PLEKHH2: variants seen among roughly 807,000 people sequenced by gnomAD.
PLEKHH2 encodes the protein pleckstrin homology domain-containing family H member 2.
Under a neutral mutation model 187.9 loss-of-function variants are expected in PLEKHH2, and 129 were observed. That is an observed-to-expected ratio of 0.69 (90% CI 0.59 to 0.79). PLEKHH2 has a LOEUF of 0.79. PLEKHH2 is among the 30% of genes least tolerant of loss of function. The pLI is 0.00. For missense variants in PLEKHH2, 2,076 were observed against 1,751.2 expected, an observed-to-expected ratio of 1.19 and a Z score of -3.31; for synonymous variants, 686 against 605.6, an observed-to-expected ratio of 1.13 and a Z score of -1.95.
At position 43,692,530 on chromosome 2, in the gene PLEKHH2, ATAAAT is replaced by A. The variant is rs747531883; in HGVS notation, c.208_212del (p.Leu70SerfsTer3). On this transcript the variant is annotated frameshift_variant, in exon 4 of 30. Coordinates refer to ENST00000282406, the MANE Select transcript of PLEKHH2 (RefSeq NM_172069.4). LOFTEE classifies it high-confidence loss of function. Reference sequence around the variant, plus strand: ...TGAATTTAGGTACAAGTTATGGAAGATAAATTAAAAGCAGCTAATATTCAAACCAG... The same window carrying A: ...TGAATTTAGGTACAAGTTATGGAAGATAAAAGCAGCTAATATTCAAACCAG... 2 of 1,575,998 alleles carry A rather than the reference ATAAAT, an allele frequency of 1.3e-6. No individual in the cohort carries two copies. The highest frequency in any genetic ancestry group is 1.7e-6 in the Non-Finnish European group (2 of 1,150,278).
At chr2:43,639,887 C>T (rs1039906978) in intron 1 of PLEKHH2, among the ~76,000 whole-genome samples, 2 of 152,076 alleles carry the variant, frequency 1.3e-5, no homozygotes, top group African/African-American at 4.8e-5. Context: ...GAACTCCTGA[C>T]CTCAGATGAT....
intron 2 of PLEKHH2, among the ~76,000 whole-genome samples, chr2:43,678,034 G>T (rs967626451): frequency 6.6e-6 from 1 of 151,040 alleles, no homozygotes; most frequent in Non-Finnish European, 1.5e-5. Flanking sequence ...CTTCTCAGAC[G>T]AGGCGGCCTG....
chr2:43,711,099 G>A, intron 14 of PLEKHH2: 1 of 986,044 alleles, frequency 1.0e-6, no homozygotes, highest in Non-Finnish European at 1.2e-6. Context: ...TCACACATAA[G>A]GCCAGTCTTG....
chr2:43,675,309 A>G, intron 2 of PLEKHH2: 1 of 1,070,046 alleles, frequency 9.3e-7, no homozygotes, highest in Non-Finnish European at 1.3e-6. Context: ...CTTACACTGT[A>G]TCAGAATTTG....
In PLEKHH2 at chr2:43,646,989, C is replaced by T. The variant is rs117654424; in HGVS notation, c.123+2193C>T. Among the ~76,000 whole-genome samples, 1,232 of 152,020 alleles carry T rather than the reference C, an allele frequency of 8.1e-3. 33 individuals are homozygous for T. In the East Asian group the frequency reaches 0.092, roughly 11 times the overall value. On this transcript the variant is annotated intron_variant, in intron 2 of 29. Coordinates refer to ENST00000282406, the MANE Select transcript of PLEKHH2 (RefSeq NM_172069.4). ...ACACAAAAATATGAATAAGGATTTT[C>T]ACAATATTTTCTGTTATATTCCATT...
chr2:43,644,842 G>A lies in PLEKHH2; in HGVS notation c.123+46G>A. ...TTGTTATTAAATGTCAGCTATTTAG[G>A]GTCTGCTTCATTTATATTAAATAAT... On this transcript the variant is annotated intron_variant, in intron 2 of 29. Coordinates refer to ENST00000282406, the MANE Select transcript of PLEKHH2 (RefSeq NM_172069.4). 3 of 1,535,920 alleles carry A rather than the reference G, an allele frequency of 2.0e-6. No individual in the cohort carries two copies. In the South Asian group the frequency reaches 3.7e-5, roughly 19 times the overall value.
chr2:43,724,894 G>A (rs1030462028), intron 16 of PLEKHH2, among the ~76,000 whole-genome samples: 2 of 152,132 alleles, frequency 1.3e-5, no homozygotes, highest in African/African-American at 4.8e-5. Context: ...TCATTGTCTG[G>A]GGTAAATACC....
rs1415609705 is a variant in PLEKHH2 at position 43,652,447 on chromosome 2, C to T, written c.123+7651C>T. Among the ~76,000 whole-genome samples the T allele has an allele frequency of 2.0e-5, 3 of 152,190 alleles. No individual in the cohort carries two copies. The East Asian group carries it at 5.8e-4, about 29-fold the overall frequency. ...CACTAAAAATAGGGGAACTAACTGA[C>T]TGTATGCATATTTAATGGTAAGCTG... On this transcript the variant is annotated intron_variant, in intron 2 of 29. Coordinates refer to ENST00000282406, the MANE Select transcript of PLEKHH2 (RefSeq NM_172069.4).
chr2:43,672,838 T>G (rs6714122), intron 2 of PLEKHH2, among the ~76,000 whole-genome samples: 2 of 151,900 alleles, frequency 1.3e-5, no homozygotes, highest in Non-Finnish European at 2.9e-5. Flanking sequence ...GCAAACTACT[T>G]TATCCATAAT....
At chr2:43,709,879 T>C in intron 11 of PLEKHH2, 111 bp from the exon 12 acceptor site, 1 of 1,104,414 alleles carries the variant, frequency 9.1e-7, no homozygotes, top group Non-Finnish European at 1.3e-6. Flanking sequence ...AAATCTAGTC[T>C]AGGGAGGCTT....
At chr2:43,739,180 C>T (rs891417532) in intron 20 of PLEKHH2, among the ~76,000 whole-genome samples, 4 of 152,036 alleles carry the variant, frequency 2.6e-5, no homozygotes, top group Admixed American at 6.6e-5. Flanking sequence ...TGTGAGCCAC[C>T]GCGCCCACCA....
intron 3 of PLEKHH2, chr2:43,679,453 T>C (rs1668046610): frequency 1.2e-5 from 4 of 337,334 alleles, no homozygotes. Context: ...TAACAAATGT[T>C]TACAATTGTT....
At chr2:43,695,997 T>C (rs1327830520) in intron 6 of PLEKHH2, among the ~76,000 whole-genome samples, 2 of 152,172 alleles carry the variant, frequency 1.3e-5, no homozygotes, top group African/African-American at 2.4e-5. Context: ...ATGTCATAAC[T>C]CAGTTCGTTC....
chr2:43,690,045 C>T (rs557839702), intron 3 of PLEKHH2, among the ~76,000 whole-genome samples: 1 of 152,278 alleles, frequency 6.6e-6, no homozygotes, highest in African/African-American at 2.4e-5. Flanking sequence ...AGGTTTACTT[C>T]TATTACTCTG....
intron 1 of PLEKHH2, among the ~76,000 whole-genome samples, chr2:43,643,741 G>A (rs1200148223): frequency 6.6e-6 from 1 of 152,020 alleles, no homozygotes; most frequent in East Asian, 1.9e-4. Context: ...GGGGAACTCA[G>A]AAATACATTA....
intron 24 of PLEKHH2, among the ~76,000 whole-genome samples, chr2:43,748,125 G>A (rs1016404602): frequency 2.6e-5 from 4 of 152,194 alleles, no homozygotes; most frequent in African/African-American, 9.7e-5. Context: ...GGGCCACCCA[G>A]TATTTGAACA....
Position 43,725,086 on chromosome 2 carries a change from G to A in PLEKHH2, c.2542-1186G>A, listed in dbSNP as rs377375851. 1.1e-4 allele frequency among the ~76,000 whole-genome samples: 16 copies of A among 152,310 alleles called. No individual in the cohort carries two copies. In the East Asian group the frequency reaches 1.9e-3, roughly 18 times the overall value. On this transcript the variant is annotated intron_variant, in intron 16 of 29. Transcript: ENST00000282406. Reference sequence around the variant, plus strand: ...TCAGGGTTTTTATAAATGGGCTAGCGAGGAGGGAGCTTGTAAGGAGGGGAT... The same window carrying A: ...TCAGGGTTTTTATAAATGGGCTAGCAAGGAGGGAGCTTGTAAGGAGGGGAT...
At chr2:43,654,721 C>A (rs1334094626) in intron 2 of PLEKHH2, among the ~76,000 whole-genome samples, 1 of 136,282 alleles carries the variant, frequency 7.3e-6, no homozygotes, top group Non-Finnish European at 1.6e-5. Context: ...CCCCCCGCAT[C>A]TCTACCAAAA....
At chr2:43,669,882 T>A (rs888546356) in intron 2 of PLEKHH2, among the ~76,000 whole-genome samples, 2 of 151,978 alleles carry the variant, frequency 1.3e-5, no homozygotes, top group African/African-American at 2.4e-5. Context: ...TTTGAAACAA[T>A]GACTAGTATT....
Sources: gnomAD v4.1 joint callset for allele counts (sites outside exome capture counted in the v4.1 genomes callset) on GRCh38, gnomAD v4.1.1 for gene constraint, MANE v1.5 for transcripts, NCBI Gene and HGNC (gene_info 2026-07-23, HGNC 2026-07-21) for gene names.